The following ZNF398 variants were observed in gnomAD, a reference collection of about 807,000 sequenced individuals.
ZNF398 encodes zinc finger DNA binding protein ZER6.
In ZNF398, 18 loss-of-function variants were observed where a neutral mutation model predicts 41.9. The ratio of observed to expected loss-of-function variants is 0.43; its 90% CI spans 0.30 to 0.64. The LOEUF (loss-of-function observed/expected upper bound fraction) is 0.64. Ranked by LOEUF, ZNF398 falls within the 30% of genes least tolerant of loss-of-function variation. The probability of loss-of-function intolerance (pLI) is 0.14; values close to 1 mark genes in which losing one functional copy is unlikely to be tolerated. For missense variants in ZNF398, 669 were observed against 822.8 expected, an observed-to-expected ratio of 0.81 and a Z score of 2.29; for synonymous variants, 260 against 308.8, an observed-to-expected ratio of 0.84 and a Z score of 1.66.
Position 149,176,516 on chromosome 7 carries a change from A to T in ZNF398, c.710A>T (p.Glu237Val), listed in dbSNP as rs543643544. ...ATTCTGTCTTGGATTAAACAAGAAG[A>T]AGAGCCTCAGGTTGGGGCCCCACCG... ...SDILSWIKQEEEPQVGAPPES... is the reference protein window; with the variant it reads ...SDILSWIKQEVEPQVGAPPES... The change falls in exon 5 of 6, where the codon GAA becomes GTA. Residue 237 changes from glutamate (E) to valine (V), a missense_variant. Coordinates refer to ENST00000475153, the MANE Select transcript of ZNF398 (RefSeq NM_170686.3). 1.2e-6 allele frequency: 2 copies of T among 1,613,672 alleles called. No homozygotes were observed. The highest frequency in any genetic ancestry group is 1.7e-6 in the Non-Finnish European group (2 of 1,179,930).
chr7:149,151,341 G>GA, intron 1 of ZNF398: 4 of 1,008,662 alleles, frequency 4.0e-6, no homozygotes, highest in Non-Finnish European at 3.8e-6. Context: ...ATCAATTAGA[G>GA]AAAAAAAGCC....
intron 4 of ZNF398, among the ~76,000 whole-genome samples, chr7:149,172,098 G>A (rs907674956): frequency 6.6e-6 from 1 of 152,150 alleles, no homozygotes; most frequent in Non-Finnish European, 1.5e-5. Flanking sequence ...GTACGTGACT[G>A]CAGTTAGGTA....
In ZNF398 at chr7:149,139,451, G is replaced by A. The variant is rs186453898; in HGVS notation, c.-490+10507G>A. On this transcript the variant is annotated intron_variant, in intron 2 of 6. Transcript: ENST00000426851. ...TTAAATCTAATGATGTGCCGGGCGC[G>A]GTGGCTCACACCTGTAATCCCAGCA... Among the ~76,000 whole-genome samples the A allele has an allele frequency of 3.5e-3, 526 of 152,172 alleles. 7 individuals are homozygous for A. Among genetic ancestry groups the A allele is most frequent in the African/African-American group, 0.012 (507 of 41,498 alleles).
intron 1 of ZNF398, among the ~76,000 whole-genome samples, chr7:149,127,894 G>A (rs76447589): frequency 0.036 from 5,514 of 152,076 alleles, 325 homozygotes; most frequent in African/African-American, 0.13. Flanking sequence ...TTTGCTTTAT[G>A]GTCACTCCCT....
In ZNF398 at chr7:149,147,825, A is replaced by G; in HGVS notation, c.24+59A>G. 2.3e-6 allele frequency: 3 copies of G among 1,324,546 alleles called. No individual in the cohort carries two copies. The highest frequency in any genetic ancestry group is 2.9e-6 in the Non-Finnish European group (3 of 1,033,740). 82.0% of individuals were successfully genotyped at this position (1,324,546 alleles called of 1,614,324 possible). A position where few individuals can be genotyped will look rare whatever the true frequency, so the allele number is the denominator to read the frequency against. On this transcript the variant is annotated intron_variant, in intron 1 of 5. Transcript: ENST00000475153. This position sits in a 1 kb window ranked among gnomAD's most constrained non-coding sequence, Gnocchi z 5.6. ...CCGAGACCCAGACCCCGAGGGAGGA[A>G]GGCGGGCGGGCAGGGAGCTGCCAGG...
intron 2 of ZNF398, among the ~76,000 whole-genome samples, chr7:149,162,100 C>T (rs1207916531): frequency 6.6e-6 from 1 of 152,120 alleles, no homozygotes; most frequent in Non-Finnish European, 1.5e-5. Context: ...GCTATCTTGG[C>T]TCACTGCAGC....
intron 2 of ZNF398, among the ~76,000 whole-genome samples, chr7:149,130,100 A>G (rs1194397227): frequency 6.8e-6 from 1 of 147,628 alleles, no homozygotes; most frequent in Non-Finnish European, 1.5e-5. Flanking sequence ...CACCCGGCCT[A>G]TTTATTTATT....
At chr7:149,170,337 T>C (rs1795308926) in intron 4 of ZNF398, among the ~76,000 whole-genome samples, 1 of 152,212 alleles carries the variant, frequency 6.6e-6, no homozygotes, top group Non-Finnish European at 1.5e-5. Flanking sequence ...TACAAACTTG[T>C]ACAGCATATT....
intron 2 of ZNF398, among the ~76,000 whole-genome samples, chr7:149,140,116 A>C (rs535707230): frequency 6.6e-6 from 1 of 152,218 alleles, no homozygotes; most frequent in Non-Finnish European, 1.5e-5. Context: ...TATATTTAAT[A>C]CTGCAAAAGT....
Position 149,166,924 on chromosome 7 carries a change from A to G in ZNF398, c.655A>G (p.Ser219Gly). ...GGAAAGTGAGATTCCCACAGACCCC[A>G]GTGAAGGTAAGTGGGAGAAGAGATT... ...PEESEIPTDPSEEPGISTSDI... is the reference protein window; with the variant it reads ...PEESEIPTDPGEEPGISTSDI... Residue 219 changes from serine (S) to glycine (G), a missense_variant, in exon 4 of 6, where the codon AGT (serine) becomes GGT (glycine). Around this residue, in one of 3 missense-constraint regions of ZNF398, gnomAD observed 290 missense variants for 292.9 expected, o/e 0.99. Transcript: ENST00000475153. The G allele has an allele frequency of 4.4e-6, 7 of 1,602,574 alleles. No homozygotes were observed. Among genetic ancestry groups the G allele is most frequent in the Non-Finnish European group, 3.4e-6 (4 of 1,171,576 alleles).
At chr7:149,160,167 G>A (rs139920848) in intron 2 of ZNF398, among the ~76,000 whole-genome samples, 26 of 152,184 alleles carry the variant, frequency 1.7e-4, no homozygotes, top group South Asian at 8.3e-4. Context: ...GGCCAGGCGC[G>A]GTGACTCACG....
At chr7:149,131,199 G>A (rs983568118) in intron 2 of ZNF398, among the ~76,000 whole-genome samples, 8 of 152,022 alleles carry the variant, frequency 5.3e-5, no homozygotes, top group African/African-American at 1.7e-4. Flanking sequence ...TCAGTGTAGG[G>A]GTATCTCAAT....
At chr7:149,157,179 A>G (rs964827419) in intron 2 of ZNF398, among the ~76,000 whole-genome samples, 4 of 151,982 alleles carry the variant, frequency 2.6e-5, no homozygotes, top group Non-Finnish European at 4.4e-5. Context: ...TTCCCCTTTG[A>G]CAATGTTAGG....
intron 5 of ZNF398, 137 bp from the exon 6 acceptor site, chr7:149,178,511 G>A (rs1276688227): frequency 1.4e-6 from 1 of 703,404 alleles, no homozygotes; most frequent in South Asian, 1.8e-5. Flanking sequence ...GACCACAGAT[G>A]TCTCGGTTAT....
In ZNF398 at chr7:149,160,474, C is replaced by T. The variant is rs531446077; in HGVS notation, c.421-5684C>T. 6.3e-4 allele frequency among the ~76,000 whole-genome samples: 96 copies of T among 152,334 alleles called. 1 individual carries two copies. The highest frequency in any genetic ancestry group is 1.6e-3 in the Admixed American group (24 of 15,306). On this transcript the variant is annotated intron_variant, in intron 2 of 5. Coordinates refer to ENST00000475153, the MANE Select transcript of ZNF398 (RefSeq NM_170686.3). ...CTTAACCCCAGTGAGGCAGAATTCA[C>T]AGTCCTCCTCTGAATGCACTCTTCA...
intron 2 of ZNF398, among the ~76,000 whole-genome samples, chr7:149,155,707 A>ATATTTTT (rs1794954712): frequency 8.2e-5 from 6 of 73,534 alleles, no homozygotes; most frequent in African/African-American, 2.0e-4. Flanking sequence ...ATATATATAT[A>ATATTTTT]TTTTTTTTTT....
chr7:149,132,121 G>A (rs952783243), intron 2 of ZNF398, among the ~76,000 whole-genome samples: 9 of 151,404 alleles, frequency 5.9e-5, no homozygotes, highest in Middle Eastern at 3.2e-3. Context: ...ATTTATAATC[G>A]ATACACTACT....
intron 2 of ZNF398, 23 bp from the exon 3 acceptor site, chr7:149,166,135 A>C (rs1302735645): frequency 6.2e-7 from 1 of 1,610,542 alleles, no homozygotes; most frequent in South Asian, 1.1e-5. Context: ...GGAAGGGACT[A>C]ACCCATGTGA....
At chr7:149,158,136 G>GA (rs1365603369) in intron 2 of ZNF398, among the ~76,000 whole-genome samples, 2 of 151,592 alleles carry the variant, frequency 1.3e-5, no homozygotes, top group African/African-American at 4.8e-5. Context: ...TGAGGTAGAG[G>GA]AAAAAACAAA....
Sources: gnomAD v4.1 joint callset for allele counts (sites outside exome capture counted in the v4.1 genomes callset) on GRCh38, gnomAD v4.1.1 for gene constraint, gnomAD v4.1.1 regional missense constraint, Gnocchi (gnomAD v3.1) non-coding constraint, MANE v1.5 for transcripts, NCBI Gene and HGNC (gene_info 2026-07-23, HGNC 2026-07-21) for gene names.